IGFL3: variants seen among roughly 807,000 people sequenced by gnomAD.
IGFL3 encodes insulin growth factor-like family member 3.
A neutral mutation model predicts 17.0 loss-of-function variants in IGFL3; 12 were observed. The ratio of observed to expected loss-of-function variants is 0.71; its 90% CI spans 0.45 to 1.14. IGFL3 has a LOEUF of 1.14. IGFL3 is among the 50% of genes most tolerant of loss of function. The pLI is 0.00. For missense variants in IGFL3, 153 were observed against 151.6 expected (o/e 1.01, Z -0.05); for synonymous variants, 52 against 57.4 (o/e 0.91, Z 0.42).
intron 3 of IGFL3, among the ~76,000 whole-genome samples, chr19:46,122,158 T>G (rs1159194076): frequency 2.6e-5 from 4 of 150,984 alleles, no homozygotes; most frequent in African/African-American, 9.8e-5. Flanking sequence ...AAATAAAAAG[T>G]GTACATCCAC....
In IGFL3 at chr19:46,120,232, C is replaced by T; in HGVS notation, c.*98G>A. On this transcript the variant is annotated 3_prime_UTR_variant, in exon 4 of 4. Transcript: ENST00000341415. ...TGTCATTGAGCCATCCCTCTGAAGT[C>T]AAGTTGCTTCTCTCCGAAGTTCAAC... 4 of 1,558,078 alleles carry T rather than the reference C, an allele frequency of 2.6e-6. No individual in the cohort carries two copies. The highest frequency in any genetic ancestry group is 3.5e-6 in the Non-Finnish European group (4 of 1,147,112).
rs371685853 is a variant in IGFL3 at position 46,120,294 on chromosome 19, C to G, written c.*36G>C. 2.9e-5 allele frequency: 47 copies of G among 1,610,114 alleles called. 4 individuals carry two copies. The Admixed American group carries it at 7.9e-4, about 27-fold the overall frequency. ...ATGTCCAGCTGCTTCGTCTCTTCTC[C>G]CCTTGTCTGCCGTCTGCCAGTGGAG... On this transcript the variant is annotated 3_prime_UTR_variant, in exon 4 of 4. Coordinates refer to ENST00000341415, the MANE Select transcript of IGFL3 (RefSeq NM_207393.2).
At position 46,124,111 on chromosome 19, in the gene IGFL3, C is replaced by G; in HGVS notation, c.125G>C (p.Arg42Thr). The change falls in exon 3 of 4, where the codon AGG becomes ACG. Residue 42 changes from arginine to threonine, a missense_variant. Transcript: ENST00000341415. ...AGGGTTGTAGATCTTGTTCCCACAC[C>G]TGGGTGTCGGCTGGCACAGCCACAG... ...SGLWLCQPTPRCGNKIYNPSE... is the reference protein window; with the variant it reads ...SGLWLCQPTPTCGNKIYNPSE... 6.2e-7 allele frequency: 1 copy of G among 1,611,152 alleles called. No homozygotes were observed. Among genetic ancestry groups the G allele is most frequent in the Non-Finnish European group, 8.5e-7 (1 of 1,179,404 alleles).
intron 3 of IGFL3, among the ~76,000 whole-genome samples, chr19:46,123,498 T>C (rs1359498195): frequency 6.6e-6 from 1 of 150,872 alleles, no homozygotes; most frequent in Admixed American, 6.6e-5. Context: ...TTTTGACCAA[T>C]TGTTCCCTGC....
Position 46,120,331 on chromosome 19 carries a change from T to A in IGFL3, c.377A>T (p.Ter126LeuextTer33), listed in dbSNP as rs193178491. The part of the protein sequence containing the change: ...TRNRRHVLYP[*>L] ...GTCTGCCAGTGGAGCCTGGGGTTTT[T>A]ATGGGTACAGGACGTGCCTCCTGTT... The change falls in exon 4 of 4, where the codon TAA (stop) becomes TTA (leucine). Residue 126 changes from the stop codon to leucine (L), a stop_lost. Coordinates refer to ENST00000341415, the MANE Select transcript of IGFL3 (RefSeq NM_207393.2). The A allele has an allele frequency of 1.2e-5, 20 of 1,611,120 alleles. 1 individual carries two copies. The Middle Eastern group carries it at 5.0e-4, about 40-fold the overall frequency.
chr19:46,123,173 G>A lies in IGFL3; in HGVS notation c.350+713C>T, dbSNP rs375487589. ...GAACTTAAAGCTGAAGAAAATAACC[G>A]ATTTAGAAACCATAATAAAAGGACA... On this transcript the variant is annotated intron_variant, in intron 3 of 3. Transcript: ENST00000341415. Among the ~76,000 whole-genome samples the A allele has an allele frequency of 1.6e-3, 236 of 150,578 alleles. 10 individuals are homozygous for A. Among genetic ancestry groups the A allele is most frequent in the African/African-American group, 5.5e-3 (224 of 40,564 alleles).
At chr19:46,124,499 G>C in intron 1 of IGFL3, 126 bp downstream of exon 1, 1 of 1,146,898 alleles carries the variant, frequency 8.7e-7, no homozygotes, top group Non-Finnish European at 1.3e-6. Context: ...GTCACCCTTT[G>C]AGGTGACTAG....
rs1286398018 is a variant in IGFL3, at chr19:46,124,140, T to C, written c.96A>G (p.Ser32=). 6.2e-7 allele frequency: 1 copy of C among 1,610,762 alleles called. No individual in the cohort carries two copies. Among genetic ancestry groups the C allele is most frequent in the African/African-American group, 1.4e-5 (1 of 73,864 alleles). The change falls in exon 3 of 4, where the codon TCA becomes TCG. Residue 32 remains serine (S), a synonymous_variant. Coordinates refer to ENST00000341415, the MANE Select transcript of IGFL3 (RefSeq NM_207393.2). ...SKGTTDAPVG[S]GLWLCQPTPR... ...GTGTCGGCTGGCACAGCCACAGTCCTGAGCCAACAGGAGCGTCTGGGGGCA... is the reference window on the plus strand; with the variant it reads ...GTGTCGGCTGGCACAGCCACAGTCCCGAGCCAACAGGAGCGTCTGGGGGCA...
intron 3 of IGFL3, among the ~76,000 whole-genome samples, chr19:46,122,895 A>C (rs1971853754): frequency 6.6e-6 from 1 of 150,854 alleles, no homozygotes; most frequent in Admixed American, 6.6e-5. Context: ...ATTAAAATGT[A>C]ATCTTCCAAG....
In IGFL3 at chr19:46,124,175, G is replaced by C. The variant is rs559018969; in HGVS notation, c.80-19C>G. 1 of 1,609,918 alleles carries C rather than the reference G, an allele frequency of 6.2e-7. No homozygotes were observed. The highest frequency in any genetic ancestry group is 8.5e-7 in the Non-Finnish European group (1 of 1,178,788). ...GGAGCGTCTGGGGGCAGACATTGAT[G>C]GTGTACATCCAAGGAAGAACAGATA... is the stretch of plus-strand genomic sequence containing the variant. On this transcript the variant is annotated intron_variant, in intron 2 of 3. Coordinates refer to ENST00000341415, the MANE Select transcript of IGFL3 (RefSeq NM_207393.2).
chr19:46,121,457 C>G (rs1971764145), intron 3 of IGFL3, among the ~76,000 whole-genome samples: 2 of 148,974 alleles, frequency 1.3e-5, no homozygotes, highest in East Asian at 2.0e-4. Flanking sequence ...CCTACTTACT[C>G]CAACACTCAT....
intron 1 of IGFL3, 51 bp downstream of exon 1, chr19:46,124,574 G>A: frequency 1.9e-5 from 29 of 1,530,770 alleles, no homozygotes; most frequent in Non-Finnish European, 2.6e-5. Flanking sequence ...AGGTTTGGGA[G>A]CTGCACTGGG....
chr19:46,121,136 G>A (rs1971740636), intron 3 of IGFL3, among the ~76,000 whole-genome samples: 1 of 150,082 alleles, frequency 6.7e-6, no homozygotes, highest in Admixed American at 6.6e-5. Context: ...CCAGCACTTT[G>A]GGAGGTCAAG....
In IGFL3 at chr19:46,123,919, C is replaced by G; in HGVS notation, c.317G>C (p.Cys106Ser). The part of the protein sequence containing the change: ...KLRVLGMKSQ[C>S]HLSPISRSCT... ...GCTCCGGGAGATGGGAGATAAGTGA[C>G]ACTGAGACTTCATACCCAGAACCCT... is the stretch of plus-strand genomic sequence containing the variant. Residue 106 changes from cysteine (C) to serine (S), a missense_variant, in exon 3 of 4, where the codon TGT becomes TCT. Coordinates refer to ENST00000341415, the MANE Select transcript of IGFL3 (RefSeq NM_207393.2). 1 of 1,611,244 alleles carries G rather than the reference C, an allele frequency of 6.2e-7. No individual in the cohort carries two copies. The highest frequency in any genetic ancestry group is 8.5e-7 in the Non-Finnish European group (1 of 1,179,564).
intron 2 of IGFL3, 47 bp from the exon 3 acceptor site, chr19:46,124,203 C>G: frequency 6.2e-7 from 1 of 1,609,340 alleles, no homozygotes; most frequent in Non-Finnish European, 8.5e-7. Context: ...AACAGATACT[C>G]AATTCCCAGT....
Position 46,120,105 on chromosome 19 carries a change from A to C in IGFL3, c.*225T>G. 1 of 574,866 alleles carries C rather than the reference A, an allele frequency of 1.7e-6. No individual in the cohort carries two copies. The highest frequency in any genetic ancestry group is 3.0e-6 in the Non-Finnish European group (1 of 333,228). The allele number at this position is 574,866 out of a possible 1,614,324, so 35.6% of individuals were successfully genotyped here. A position where few individuals can be genotyped will look rare whatever the true frequency, so the allele number is the denominator to read the frequency against. On this transcript the variant is annotated 3_prime_UTR_variant, in exon 4 of 4. Transcript: ENST00000341415. ...ATGTGGGGGATTTTATTGCCGATGA[A>C]AGTGGCTCTCAGCGGGAAGGGGAGC...
In IGFL3 at chr19:46,124,379, AAAC is replaced by A. The variant is rs1484414936; in HGVS notation, c.26-61_26-59del. Reference sequence around the variant, plus strand: ...GCTGAGAATGTGACAAGTATGGAAAAAACAAACAAACAAACAAACAGAGGTTAG... The same window carrying A: ...GCTGAGAATGTGACAAGTATGGAAAAAAACAAACAAACAAACAGAGGTTAG... On this transcript the variant is annotated intron_variant, in intron 1 of 3. Transcript: ENST00000341415. The A allele has an allele frequency of 9.7e-6, 14 of 1,450,600 alleles. No homozygotes were observed. In the South Asian group the frequency reaches 1.2e-4, roughly 12 times the overall value. 89.9% of individuals were successfully genotyped at this position (1,450,600 alleles called of 1,614,324 possible).
intron 2 of IGFL3, 29 bp downstream of exon 2, chr19:46,124,239 C>T: frequency 4.3e-6 from 7 of 1,609,426 alleles, no homozygotes; most frequent in Non-Finnish European, 5.1e-6. Context: ...CACCTCTTCC[C>T]TCCTCATTTT....
chr19:46,123,148 G>T (rs1478309904), intron 3 of IGFL3, among the ~76,000 whole-genome samples: 2 of 150,456 alleles, frequency 1.3e-5, no homozygotes, highest in African/African-American at 4.9e-5. Context: ...TTAATTTTAT[G>T]AACTTAAAGC....
Sources: allele counts gnomAD v4.1 joint callset (sites outside exome capture counted in the v4.1 genomes callset), GRCh38; gene constraint gnomAD v4.1.1; transcripts MANE v1.5; gene names NCBI Gene and HGNC (gene_info 2026-07-23, HGNC 2026-07-21).